NEGR1: variants seen among roughly 807,000 people sequenced by gnomAD.
The protein encoded by NEGR1 is IgLON family member 4.
A neutral mutation model predicts 40.9 loss-of-function variants in NEGR1; 10 were observed. The ratio of observed to expected loss-of-function variants is 0.24; its 90% CI spans 0.15 to 0.42. The LOEUF is 0.42. NEGR1 is among the 10% of genes least tolerant of loss of function. The pLI is 1.00. For synonymous variants in NEGR1, 185 were observed against 166.8 expected (o/e 1.11, Z -0.84); for missense variants, 352 against 438.9 (o/e 0.80, Z 1.77).
At chr1:71,635,721 A>C (rs1031058862) in intron 4 of NEGR1, among the ~76,000 whole-genome samples, 1 of 152,110 alleles carries the variant, frequency 6.6e-6, no homozygotes, top group African/African-American at 2.4e-5. Flanking sequence ...AGTCAATATC[A>C]AATGAAGAGA....
intron 1 of NEGR1, among the ~76,000 whole-genome samples, chr1:72,000,957 A>G (rs1646552449): frequency 6.6e-6 from 1 of 152,136 alleles, no homozygotes; most frequent in African/African-American, 2.4e-5. Flanking sequence ...AGACATGCCC[A>G]CAGCCCCATA....
At chr1:71,785,999 CAT>C (rs1464580952) in intron 2 of NEGR1, among the ~76,000 whole-genome samples, 1 of 152,102 alleles carries the variant, frequency 6.6e-6, no homozygotes, top group African/African-American at 2.4e-5. Flanking sequence ...ATTTTAGCAC[CAT>C]TTGAAAAATA....
At chr1:71,637,348 T>A (rs892560972) in intron 4 of NEGR1, among the ~76,000 whole-genome samples, 3 of 151,980 alleles carry the variant, frequency 2.0e-5, no homozygotes, top group Non-Finnish European at 4.4e-5. Flanking sequence ...AAAAGAGGCT[T>A]TTACCATGTT....
chr1:71,781,434 CTGGA>C (rs1383121795), intron 2 of NEGR1, among the ~76,000 whole-genome samples: 1 of 152,144 alleles, frequency 6.6e-6, no homozygotes, highest in Non-Finnish European at 1.5e-5. Flanking sequence ...CTATTTGGAT[CTGGA>C]TAGTTGCACT....
chr1:71,924,011 C>A (rs1645747364), intron 2 of NEGR1, among the ~76,000 whole-genome samples: 1 of 151,886 alleles, frequency 6.6e-6, no homozygotes, highest in Non-Finnish European at 1.5e-5. Context: ...TGTGCCCAAG[C>A]AATCCTCTCA....
chr1:72,223,400 C>T (rs1255068921), intron 1 of NEGR1, among the ~76,000 whole-genome samples: 1 of 152,164 alleles, frequency 6.6e-6, no homozygotes, highest in Non-Finnish European at 1.5e-5. Flanking sequence ...GAGCATAATA[C>T]AGGACAAAGA....
chr1:71,846,697 C>A (rs922278034), intron 2 of NEGR1, among the ~76,000 whole-genome samples: 3 of 152,166 alleles, frequency 2.0e-5, no homozygotes, highest in African/African-American at 7.2e-5. Context: ...ATTCTGGAGA[C>A]TGAGAAATGC....
At chr1:72,041,463 C>T (rs188420055) in intron 1 of NEGR1, among the ~76,000 whole-genome samples, 21 of 143,430 alleles carry the variant, frequency 1.5e-4, no homozygotes, top group African/African-American at 3.3e-4. Context: ...TAAAGTTGCA[C>T]GTTCCATTAA....
chr1:72,194,449 CA>C (rs1351462733), intron 1 of NEGR1, among the ~76,000 whole-genome samples: 1 of 152,000 alleles, frequency 6.6e-6, no homozygotes, highest in African/African-American at 2.4e-5. Context: ...TGAAAGTCCA[CA>C]GCAAACATGC....
intron 1 of NEGR1, among the ~76,000 whole-genome samples, chr1:72,119,200 A>G (rs1214309128): frequency 1.3e-5 from 2 of 151,924 alleles, no homozygotes; most frequent in African/African-American, 4.8e-5. Flanking sequence ...ACAATGTTTA[A>G]TCCTCTGGAA....
chr1:72,008,789 C>G (rs1646631438), intron 1 of NEGR1, among the ~76,000 whole-genome samples: 1 of 151,930 alleles, frequency 6.6e-6, no homozygotes, highest in Non-Finnish European at 1.5e-5. Context: ...AATATAAGGG[C>G]ATTATGTCAC....
chr1:72,116,741 T>A (rs143667975), intron 1 of NEGR1, among the ~76,000 whole-genome samples: 75 of 151,880 alleles, frequency 4.9e-4, no homozygotes, highest in African/African-American at 1.8e-3. Context: ...ATTTAACACT[T>A]AAAGTTTTAT....
At chr1:72,207,299 G>T (rs1232274285) in intron 1 of NEGR1, among the ~76,000 whole-genome samples, 1 of 151,742 alleles carries the variant, frequency 6.6e-6, no homozygotes, top group African/African-American at 2.4e-5. Flanking sequence ...CATACTCAAA[G>T]AATTTAACAC....
At chr1:71,955,193 T>A (rs1646109609) in intron 1 of NEGR1, among the ~76,000 whole-genome samples, 1 of 152,038 alleles carries the variant, frequency 6.6e-6, no homozygotes, top group Non-Finnish European at 1.5e-5. Context: ...TTACACGGAG[T>A]TGTCTAAATG....
intron 1 of NEGR1, among the ~76,000 whole-genome samples, chr1:71,986,366 C>T (rs190587979): frequency 3.9e-5 from 6 of 152,208 alleles, no homozygotes; most frequent in Admixed American, 6.5e-5. Flanking sequence ...TTTAAGTTTT[C>T]GTTTCTACTT....
chr1:72,282,204 T>C lies in NEGR1; in HGVS notation c.176+115A>G, dbSNP rs1280711730. 4.0e-6 allele frequency: 5 copies of C among 1,240,360 alleles called. No individual in the cohort carries two copies. The East Asian group carries it at 7.6e-5, about 19-fold the overall frequency. 76.8% of individuals were successfully genotyped at this position (1,240,360 alleles called of 1,614,324 possible). ...CCTGGAATTCTTGGGATGTGGTCTT[T>C]CCATGATGAGCACCACCAGCATTAT... is the stretch of plus-strand genomic sequence containing the variant. On this transcript the variant is annotated intron_variant, in intron 1 of 6. Transcript: ENST00000357731.
intron 1 of NEGR1, among the ~76,000 whole-genome samples, chr1:72,006,562 T>A (rs1054706672): frequency 6.6e-6 from 1 of 152,150 alleles, no homozygotes; most frequent in Non-Finnish European, 1.5e-5. Context: ...ACACTACAGA[T>A]CCATTATGCA....
chr1:72,119,322 G>A (rs1180983197), intron 1 of NEGR1, among the ~76,000 whole-genome samples: 1 of 151,956 alleles, frequency 6.6e-6, no homozygotes, highest in Non-Finnish European at 1.5e-5. Context: ...TGAGGAATTA[G>A]TGATGCTTCC....
At chr1:72,103,956 AT>A (rs1444292913) in intron 1 of NEGR1, among the ~76,000 whole-genome samples, 1 of 152,118 alleles carries the variant, frequency 6.6e-6, no homozygotes, top group Non-Finnish European at 1.5e-5. Context: ...AATATATTTG[AT>A]TTTAATTTAT....
Sources: allele counts gnomAD v4.1 joint callset (sites outside exome capture counted in the v4.1 genomes callset), GRCh38; gene constraint gnomAD v4.1.1; transcripts MANE v1.5; gene names NCBI Gene and HGNC (gene_info 2026-07-23, HGNC 2026-07-21).